The following NUP214 variants were observed in gnomAD, a reference collection of about 807,000 sequenced individuals.
NUP214 encodes nuclear pore complex protein Nup214.
NUP214 carries 79 observed loss-of-function variants against 196.2 expected under a neutral mutation model. That is an observed-to-expected ratio of 0.40 (90% CI 0.34 to 0.49). The LOEUF is 0.49. Ranked by LOEUF, NUP214 falls within the 20% of genes least tolerant of loss-of-function variation. The pLI is 0.58. For synonymous variants in NUP214, 1,020 were observed against 990.5 expected, an observed-to-expected ratio of 1.03 and a Z score of -0.56; for missense variants, 2,468 against 2,539.0, an observed-to-expected ratio of 0.97 and a Z score of 0.60.
intron 31 of NUP214, among the ~76,000 whole-genome samples, chr9:131,218,592 C>G (rs1218982432): frequency 6.6e-6 from 1 of 152,154 alleles, no homozygotes; most frequent in Non-Finnish European, 1.5e-5. Flanking sequence ...ACTCCCCGCC[C>G]CATTTTGCTA....
intron 24 of NUP214, 59 bp downstream of exon 24, chr9:131,178,469 G>A: frequency 8.0e-7 from 1 of 1,243,630 alleles, no homozygotes; most frequent in Admixed American, 1.8e-5. Flanking sequence ...GCGGTGGACT[G>A]CCTGCAGGGA....
In NUP214 at chr9:131,150,407, G is replaced by A. The variant is rs1482183768; in HGVS notation, c.2124G>A (p.Glu708=). Residue 708 remains glutamate, a synonymous_variant, in exon 15 of 36, where the codon GAG becomes GAA. Coordinates refer to ENST00000359428, the MANE Select transcript of NUP214 (RefSeq NM_005085.4). Reference sequence around the variant, plus strand: ...ATCCTGTAATGGCTGGAATTGGGGAGGAGGTAAATTTGTTTCCTGAGGGTG... The same window carrying A: ...ATCCTGTAATGGCTGGAATTGGGGAAGAGGTAAATTTGTTTCCTGAGGGTG... ...DSDPVMAGIG[E]EIAHFQKELE... 1 of 1,614,138 alleles carries A rather than the reference G, an allele frequency of 6.2e-7. No individual in the cohort carries two copies. Among genetic ancestry groups the A allele is most frequent in the South Asian group, 1.1e-5 (1 of 91,086 alleles).
In NUP214 at chr9:131,198,255, C is replaced by A. The variant is rs532028844; in HGVS notation, c.4761C>A (p.Ser1587=). The A allele has an allele frequency of 3.1e-6, 5 of 1,614,232 alleles. No individual in the cohort carries two copies. The highest frequency in any genetic ancestry group is 1.6e-4 in the Middle Eastern group (1 of 6,062). ...CGGAGGCAGTACCACCTGCTTCCTC[C>A]TTTTCTGTGCCTGGGCAGACTGCTG... The part of the protein sequence containing the change: ...ARTEAVPPAS[S]FSVPGQTAVT... Residue 1587 remains serine (S), a synonymous_variant, in exon 29 of 36, where the codon TCC becomes TCA. Transcript: ENST00000359428.
chr9:131,162,822 C>A, intron 18 of NUP214, 169 bp from the exon 19 acceptor site: 2 of 661,838 alleles, frequency 3.0e-6, no homozygotes, highest in Non-Finnish European at 2.5e-6. Context: ...CTTCATTAGG[C>A]TTTCATCTCC....
chr9:131,134,975 T>G lies in NUP214; in HGVS notation c.909T>G (p.His303Gln). The G allele has an allele frequency of 6.2e-7, 1 of 1,613,242 alleles. No individual in the cohort carries two copies. Among genetic ancestry groups the G allele is most frequent in the Admixed American group, 1.7e-5 (1 of 60,012 alleles). The change falls in exon 8 of 36, where the codon CAT becomes CAG. Residue 303 changes from histidine to glutamine, a missense_variant. Around this residue, in one of 5 missense-constraint regions of NUP214, gnomAD observed 392 missense variants for 417.9 expected, o/e 0.94. Transcript: ENST00000359428. ...ATGGCAGCTGCACGGAGAGACAGCA[T>G]CATTACTACCTCAGTTACATTGAGG... ...PCYGSCTERQ[H>Q]HYYLSYIEEW...
At chr9:131,212,035 C>G (rs914503348) in intron 30 of NUP214, among the ~76,000 whole-genome samples, 2 of 152,194 alleles carry the variant, frequency 1.3e-5, no homozygotes, top group African/African-American at 4.8e-5. Flanking sequence ...CAGCAAGGAA[C>G]AGCCCTGAGA....
rs554245169 is a variant in NUP214, at chr9:131,200,171, A to G, written c.5521+1156A>G. On this transcript the variant is annotated intron_variant, in intron 29 of 35. Coordinates refer to ENST00000359428, the MANE Select transcript of NUP214 (RefSeq NM_005085.4). ...ATTTCAACAAATTCAGAACCCAGGA[A>G]GGAATCTTCTTTCATTTAGTATCTG... is the stretch of plus-strand genomic sequence containing the variant. 2.0e-5 allele frequency among the ~76,000 whole-genome samples: 3 copies of G among 152,384 alleles called. No homozygotes were observed. The South Asian group carries it at 6.2e-4, about 32-fold the overall frequency.
At chr9:131,180,336 A>G (rs1833237374) in intron 24 of NUP214, among the ~76,000 whole-genome samples, 1 of 152,228 alleles carries the variant, frequency 6.6e-6, no homozygotes, top group African/African-American at 2.4e-5. Context: ...TTGAAAAGTG[A>G]AAATTGGTGT....
chr9:131,215,392 G>A, intron 31 of NUP214, 24 bp downstream of exon 31: 1 of 1,534,286 alleles, frequency 6.5e-7, no homozygotes, highest in Non-Finnish European at 8.8e-7. Context: ...ACTTTTCCCA[G>A]TCCCTTGGTC....
At chr9:131,150,214 G>A in intron 14 of NUP214, 110 bp from the exon 15 acceptor site, 1 of 857,270 alleles carries the variant, frequency 1.2e-6, no homozygotes, top group Non-Finnish European at 1.9e-6. Flanking sequence ...TACAATGAGT[G>A]AAGAAATAAT....
chr9:131,125,689 CA>C lies in NUP214; in HGVS notation c.-15del. On this transcript the variant is annotated 5_prime_UTR_variant, in exon 1 of 36. Coordinates refer to ENST00000359428, the MANE Select transcript of NUP214 (RefSeq NM_005085.4). This position sits in a 1 kb window ranked among gnomAD's most constrained non-coding sequence, Gnocchi z 4.1. ...GGAGGCAGCGTTGGCTGCTTCGACA[CA>C]CTGAGGGCGGCGCGATGGGAGACGA... is the stretch of plus-strand genomic sequence containing the variant. 6.5e-7 allele frequency: 1 copy of C among 1,550,366 alleles called. No homozygotes were observed.
Position 131,215,309 on chromosome 9 carries a change from C to T in NUP214, c.5690C>T (p.Ala1897Val). The T allele has an allele frequency of 1.2e-6, 2 of 1,609,836 alleles. No homozygotes were observed. Among genetic ancestry groups the T allele is most frequent in the Admixed American group, 1.7e-5 (1 of 59,624 alleles). ...SGLGGKPSQD[A>V]ANKNPFSSAS... ...CTTGGAGGAAAACCCAGTCAGGATG[C>T]AGCCAACAAAAACCCATTCAGCTCG... is the stretch of plus-strand genomic sequence containing the variant. Residue 1897 changes from alanine (A) to valine (V), a missense_variant, in exon 31 of 36, where the codon GCA becomes GTA. Transcript: ENST00000359428.
Position 131,197,417 on chromosome 9 carries a change from G to A in NUP214, c.3923G>A (p.Ser1308Asn). ...GGAACTGCTCTTTCCACCACCTCTA[G>A]TAAGCTGGAAACCCCACCGTCCAAG... ...PSGTALSTTSSKLETPPSKLG... is the reference protein window; with the variant it reads ...PSGTALSTTSNKLETPPSKLG... The change falls in exon 29 of 36, where the codon AGT becomes AAT. Residue 1308 changes from serine (S) to asparagine (N), a missense_variant. Physicochemically the swap from Ser to Asn is conservative, Grantham distance 46. Transcript: ENST00000359428. 1 of 1,614,090 alleles carries A rather than the reference G, an allele frequency of 6.2e-7. No individual in the cohort carries two copies.
At position 131,150,743 on chromosome 9, in the gene NUP214, T is replaced by G; in HGVS notation, c.2255T>G (p.Leu752Trp). ...TESDDLHTFL[L>W]EIKETTESLH... is the part of the protein sequence containing the mutation. ...TCAGATGACTTGCATACCTTTCTTT[T>G]GGAGATTAAAGAGACCACAGAGGTT... is the stretch of plus-strand genomic sequence containing the variant. Residue 752 changes from leucine (L) to tryptophan (W), a missense_variant, in exon 16 of 36, where the codon TTG becomes TGG. By Grantham distance (61) the Leu-to-Trp change is moderately conservative. This residue lies in a region of NUP214 where 1,801 missense variants were observed against 1,779.4 expected (regional missense o/e 1.01). Coordinates refer to ENST00000359428, the MANE Select transcript of NUP214 (RefSeq NM_005085.4). 6.2e-7 allele frequency: 1 copy of G among 1,613,276 alleles called. No individual in the cohort carries two copies. Among genetic ancestry groups the G allele is most frequent in the Non-Finnish European group, 8.5e-7 (1 of 1,179,768 alleles).
rs746152867 is a variant in NUP214 at position 131,129,373 on chromosome 9, C to T, written c.488C>T (p.Ser163Phe). The change falls in exon 4 of 36, where the codon TCC becomes TTC. Residue 163 changes from serine (S) to phenylalanine (F), a missense_variant. Physicochemically the swap from Ser to Phe is radical, Grantham distance 155 (BLOSUM62 -2). Transcript: ENST00000359428. The part of the protein sequence containing the change: ...IDMKWNPTVP[S>F]MVAVCLADGS... ...ATGAAGTGGAACCCCACTGTCCCCTCCATGGTGGCAGTTTGTCTGGCTGAT... is the reference window on the plus strand; with the variant it reads ...ATGAAGTGGAACCCCACTGTCCCCTTCATGGTGGCAGTTTGTCTGGCTGAT... 1.7e-5 allele frequency: 27 copies of T among 1,614,082 alleles called. No homozygotes were observed. The highest frequency in any genetic ancestry group is 2.2e-5 in the Non-Finnish European group (26 of 1,179,910).
chr9:131,223,803 C>T (rs1214217049), intron 32 of NUP214, among the ~76,000 whole-genome samples: 2 of 132,408 alleles, frequency 1.5e-5, no homozygotes, highest in Non-Finnish European at 3.1e-5. Context: ...GGCGCAATCT[C>T]GGCTCACTGC....
chr9:131,169,392 C>T (rs1396178479), intron 21 of NUP214, among the ~76,000 whole-genome samples: 5 of 152,052 alleles, frequency 3.3e-5, no homozygotes, highest in Non-Finnish European at 7.4e-5. Context: ...CCTGTAATCC[C>T]AGCTGTTTTG....
At chr9:131,140,401 G>A in intron 10 of NUP214, 148 bp from the exon 11 acceptor site, 1 of 632,144 alleles carries the variant, frequency 1.6e-6, no homozygotes, top group Non-Finnish European at 2.7e-6. Flanking sequence ...ACGAAAGGCT[G>A]TTCAGATATA....
rs1833037908 is a variant in NUP214, at chr9:131,174,236, G to A, written c.3075G>A (p.Gln1025=). The stretch of plus-strand genomic sequence containing the variant: ...CCGTGGTTCGCACTCCTTCCATCCA[G>A]CCCAGTCTCTTGCCCCATGCAGCAC... The part of the protein sequence containing the change: ...HAPVVRTPSI[Q]PSLLPHAAPF... Residue 1025 remains glutamine, a synonymous_variant, in exon 22 of 36, where the codon CAG becomes CAA. Coordinates refer to ENST00000359428, the MANE Select transcript of NUP214 (RefSeq NM_005085.4). 6.2e-7 allele frequency: 1 copy of A among 1,613,664 alleles called. No individual in the cohort carries two copies. Among genetic ancestry groups the A allele is most frequent in the African/African-American group, 1.3e-5 (1 of 74,870 alleles).
Sources: allele counts gnomAD v4.1 joint callset (sites outside exome capture counted in the v4.1 genomes callset), GRCh38; gene constraint gnomAD v4.1.1; regional missense constraint gnomAD v4.1.1; non-coding constraint Gnocchi (gnomAD v3.1); transcripts MANE v1.5; gene names NCBI Gene and HGNC (gene_info 2026-07-23, HGNC 2026-07-21).